Variants in FMN1 observed in about 807,000 individuals in gnomAD.
FMN1 encodes formin-1.
A neutral mutation model predicts 132.4 loss-of-function variants in FMN1; 110 were observed. The ratio of observed to expected loss-of-function variants is 0.83; its 90% CI spans 0.71 to 0.97. The LOEUF is 0.97. Among genes scored for constraint, FMN1 ranks in the 50% least tolerant of loss-of-function variants. FMN1 has a pLI of 0.00. For missense variants in FMN1, 1,792 were observed against 1,705.3 expected, an observed-to-expected ratio of 1.05 and a Z score of -0.90; for synonymous variants, 722 against 651.7, an observed-to-expected ratio of 1.11 and a Z score of -1.64.
intron 9 of FMN1, among the ~76,000 whole-genome samples, chr15:32,931,233 A>G (rs1008294073): frequency 3.3e-5 from 5 of 152,178 alleles, no homozygotes; most frequent in Non-Finnish European, 5.9e-5. Context: ...CAAAGCAGCC[A>G]CTGGGATTTT....
chr15:33,057,299 T>C (rs564163660), intron 6 of FMN1, among the ~76,000 whole-genome samples: 1 of 152,242 alleles, frequency 6.6e-6, no homozygotes, highest in Non-Finnish European at 1.5e-5. Context: ...GCTAAAGATG[T>C]ACTATTTATT....
intron 9 of FMN1, among the ~76,000 whole-genome samples, chr15:32,931,274 T>C (rs1010907718): frequency 6.6e-6 from 1 of 152,218 alleles, no homozygotes; most frequent in African/African-American, 2.4e-5. Context: ...TGTATGTTGC[T>C]TTGGGGGAAT....
intron 10 of FMN1, among the ~76,000 whole-genome samples, chr15:32,914,764 G>A (rs188661402): frequency 8.8e-4 from 134 of 152,328 alleles, no homozygotes; most frequent in African/African-American, 2.5e-3. Context: ...TAGCTCTGGG[G>A]ACTTAGCCTG....
chr15:32,899,075 G>T (rs374291129), intron 14 of FMN1, among the ~76,000 whole-genome samples, 182 bp from the exon 15 acceptor site: 2 of 152,130 alleles, frequency 1.3e-5, no homozygotes, highest in South Asian at 2.1e-4. Flanking sequence ...GCTACATAAA[G>T]AAATGACACT....
chr15:33,028,494 C>CATAT (rs2035784346), intron 6 of FMN1, among the ~76,000 whole-genome samples: 1 of 149,600 alleles, frequency 6.7e-6, no homozygotes, highest in Admixed American at 6.7e-5. Context: ...CTGGAAAAAA[C>CATAT]ATATAAAGAA....
intron 9 of FMN1, 91 bp downstream of exon 9, chr15:32,964,016 T>TACACCCAC: frequency 2.0e-6 from 1 of 506,190 alleles, no homozygotes. Context: ...GTATATACGA[T>TACACCCAC]ACACACACAC....
At chr15:32,904,153 G>A (rs528834649) in intron 12 of FMN1, among the ~76,000 whole-genome samples, 1 of 152,230 alleles carries the variant, frequency 6.6e-6, no homozygotes, top group Admixed American at 6.5e-5. Context: ...GTGTGAATGA[G>A]TGCTCTCGGT....
At chr15:32,951,477 G>A (rs2061652770) in intron 9 of FMN1, among the ~76,000 whole-genome samples, 1 of 151,714 alleles carries the variant, frequency 6.6e-6, no homozygotes, top group African/African-American at 2.4e-5. Flanking sequence ...ACACAAATAG[G>A]GGAAATGGAT....
intron 5 of FMN1, among the ~76,000 whole-genome samples, chr15:33,077,049 GAC>G (rs2038240181): frequency 6.6e-6 from 1 of 152,196 alleles, no homozygotes; most frequent in Admixed American, 6.5e-5. Flanking sequence ...ATTTTTTTGA[GAC>G]AGAGTCTTGC....
chr15:33,116,833 C>A (rs985586329), intron 4 of FMN1, among the ~76,000 whole-genome samples: 5 of 151,916 alleles, frequency 3.3e-5, no homozygotes, highest in Non-Finnish European at 7.4e-5. Context: ...TGACTTTGGG[C>A]AGGTCCTTCA....
intron 16 of FMN1, among the ~76,000 whole-genome samples, chr15:32,871,739 T>C (rs2059521351): frequency 6.6e-6 from 1 of 152,212 alleles, no homozygotes; most frequent in Admixed American, 6.5e-5. Flanking sequence ...AAATGGGTTG[T>C]ACCACAATGG....
chr15:32,937,850 T>C (rs1416473497), intron 9 of FMN1, among the ~76,000 whole-genome samples: 1 of 152,228 alleles, frequency 6.6e-6, no homozygotes, highest in Non-Finnish European at 1.5e-5. Flanking sequence ...ACATATATTT[T>C]AAAAGATCTT....
At chr15:33,114,939 G>T (rs2039857074) in intron 4 of FMN1, among the ~76,000 whole-genome samples, 1 of 152,150 alleles carries the variant, frequency 6.6e-6, no homozygotes, top group Admixed American at 6.6e-5. Context: ...GAAAAGTTTA[G>T]GGGTCTGGTG....
rs74376338 is a variant in FMN1, at chr15:33,180,482, C to T, written c.-196-220G>A. 5.8e-3 allele frequency among the ~76,000 whole-genome samples: 877 copies of T among 152,228 alleles called. 11 individuals carry two copies. The highest frequency in any genetic ancestry group is 0.019 in the African/African-American group (785 of 41,548). The stretch of plus-strand genomic sequence containing the variant: ...AGATAACCCTAATCTCCCACCTAAA[C>T]TACTGCCTAGCATAGGGTAACCAAC... On this transcript the variant is annotated intron_variant, in intron 2 of 20. Transcript: ENST00000616417.
chr15:33,011,627 A>G (rs962944224), intron 6 of FMN1, among the ~76,000 whole-genome samples: 1 of 152,176 alleles, frequency 6.6e-6, no homozygotes, highest in Non-Finnish European at 1.5e-5. Flanking sequence ...TACCATAGAG[A>G]AACAGATTGA....
At chr15:32,931,404 A>G (rs991369942) in intron 9 of FMN1, among the ~76,000 whole-genome samples, 2 of 152,166 alleles carry the variant, frequency 1.3e-5, no homozygotes, top group African/African-American at 4.8e-5. Context: ...AGTCTGTACT[A>G]GTCTTTTACC....
At chr15:32,845,971 A>AAG (rs148103896) in intron 17 of FMN1, among the ~76,000 whole-genome samples, 2,429 of 151,032 alleles carry the variant, frequency 0.016, 70 homozygotes, top group African/African-American at 0.056. Context: ...AAAAAAAAAA[A>AAG]GGCCCCAAGA....
chr15:32,964,155 C>T lies in FMN1; in HGVS notation c.3090G>A (p.Lys1030=). The part of the protein sequence containing the change: ...YLFSKDTTQQ[K]KKPLSETYEK... ...CATAAGTCTCTGACAGAGGTTTTTT[C>T]TTCTGTTGAGTTGTGTCTTTGGAGA... The change falls in exon 9 of 21, where the codon AAG becomes AAA. Residue 1030 remains lysine, a synonymous_variant. Coordinates refer to ENST00000616417, the MANE Select transcript of FMN1 (RefSeq NM_001277313.2). 1 of 1,612,334 alleles carries T rather than the reference C, an allele frequency of 6.2e-7. No individual in the cohort carries two copies. The highest frequency in any genetic ancestry group is 1.1e-5 in the South Asian group (1 of 90,910).
At chr15:32,971,774 G>C (rs1001992751) in intron 7 of FMN1, among the ~76,000 whole-genome samples, 1 of 152,128 alleles carries the variant, frequency 6.6e-6, no homozygotes, top group Non-Finnish European at 1.5e-5. Flanking sequence ...CCTAATAAGG[G>C]AAATATTTTT....
Sources: gnomAD v4.1 joint callset for allele counts (sites outside exome capture counted in the v4.1 genomes callset) on GRCh38, gnomAD v4.1.1 for gene constraint, MANE v1.5 for transcripts, NCBI Gene and HGNC (gene_info 2026-07-23, HGNC 2026-07-21) for gene names.